The following TMEM209 variants were observed in gnomAD, a reference collection of about 807,000 sequenced individuals.
TMEM209 encodes the protein testicular tissue protein Li 202.
TMEM209 carries 65 observed loss-of-function variants against 76.2 expected under a neutral mutation model. The observed-to-expected ratio is 0.85, with a 90% CI of 0.70 to 1.05. The LOEUF is 1.05. TMEM209 is among the 50% of genes least tolerant of loss of function. TMEM209 has a pLI of 0.00. For synonymous variants in TMEM209, 239 were observed against 237.6 expected, an observed-to-expected ratio of 1.01 and a Z score of -0.06; for missense variants, 623 against 685.5, an observed-to-expected ratio of 0.91 and a Z score of 1.02.
chr7:130,183,622 A>T (rs1376683564), intron 8 of TMEM209, among the ~76,000 whole-genome samples: 2 of 152,212 alleles, frequency 1.3e-5, no homozygotes, highest in South Asian at 4.1e-4. Flanking sequence ...GGAAGTCCAT[A>T]TGCCTAACAG....
At chr7:130,176,032 T>C (rs1049152662) in intron 10 of TMEM209, among the ~76,000 whole-genome samples, 1 of 151,920 alleles carries the variant, frequency 6.6e-6, no homozygotes, top group Admixed American at 6.6e-5. Flanking sequence ...AGTGTGTGTG[T>C]ATATATATGT....
Position 130,183,469 on chromosome 7 carries a change from ATAAGAG to A in TMEM209, c.1023+709_1023+714del, listed in dbSNP as rs1797493344. On this transcript the variant is annotated intron_variant, in intron 8 of 14. Transcript: ENST00000397622. ...CCCTCTATTTTGATGCCCTATTTAA[ATAAGAG>A]TAAAAGGATAAAAAATGAGCACAAG... 2.6e-5 allele frequency among the ~76,000 whole-genome samples: 4 copies of A among 152,234 alleles called. No individual in the cohort carries two copies. The South Asian group carries it at 8.3e-4, about 32-fold the overall frequency.
At chr7:130,179,764 T>G (rs1797349670) in intron 9 of TMEM209, among the ~76,000 whole-genome samples, 2 of 152,084 alleles carry the variant, frequency 1.3e-5, no homozygotes, top group East Asian at 3.9e-4. Flanking sequence ...GTGCTTGAGC[T>G]CAGGAGTACA....
intron 14 of TMEM209, 107 bp downstream of exon 14, chr7:130,170,293 G>T: frequency 1.1e-6 from 1 of 920,660 alleles, no homozygotes; most frequent in Non-Finnish European, 1.7e-6. Flanking sequence ...ATTATCTATT[G>T]TTCAATCCAT....
intron 5 of TMEM209, among the ~76,000 whole-genome samples, chr7:130,194,636 CTTT>C (rs1797910506): frequency 6.6e-6 from 1 of 152,130 alleles, no homozygotes; most frequent in South Asian, 2.1e-4. Flanking sequence ...CTGATGGCTT[CTTT>C]AACAGATGCC....
Position 130,205,095 on chromosome 7 carries a change from G to A in TMEM209, c.3+278C>T, listed in dbSNP as rs993618569. The A allele has an allele frequency of 6.4e-6, 9 of 1,408,648 alleles. No homozygotes were observed. The Admixed American group carries it at 2.3e-4, about 36-fold the overall frequency. 87.3% of individuals were successfully genotyped at this position (1,408,648 alleles called of 1,614,324 possible). A position where few individuals can be genotyped will look rare whatever the true frequency, so the allele number is the denominator to read the frequency against. ...AACTCTTACAGACCGTGCAAAACTTGTTCCAGCGACAAGCAGTCGTATCCC... is the reference window on the plus strand; with the variant it reads ...AACTCTTACAGACCGTGCAAAACTTATTCCAGCGACAAGCAGTCGTATCCC... On this transcript the variant is annotated intron_variant, in intron 1 of 14. Transcript: ENST00000397622.
At position 130,184,083 on chromosome 7, in the gene TMEM209, C is replaced by A. The variant is rs542979521; in HGVS notation, c.1023+101G>T. Reference sequence around the variant, plus strand: ...TACCATTCATACTGTACCTTTATAACTAATATTCTAATTTATAATGAACTC... The same window carrying A: ...TACCATTCATACTGTACCTTTATAAATAATATTCTAATTTATAATGAACTC... On this transcript the variant is annotated intron_variant, in intron 8 of 14. Coordinates refer to ENST00000397622, the MANE Select transcript of TMEM209 (RefSeq NM_032842.4). 2,051 of 755,544 alleles carry A rather than the reference C, an allele frequency of 2.7e-3. 3 individuals are homozygous for A. The highest frequency in any genetic ancestry group is 3.7e-3 in the Non-Finnish European group (1,757 of 478,038). The allele number at this position is 755,544 out of a possible 1,614,324, so 46.8% of individuals were successfully genotyped here.
intron 5 of TMEM209, among the ~76,000 whole-genome samples, 200 bp downstream of exon 5, chr7:130,201,650 C>G (rs1283462207): frequency 6.6e-6 from 1 of 152,104 alleles, no homozygotes; most frequent in Non-Finnish European, 1.5e-5. Context: ...AGTTTGTTAT[C>G]TCTGTAAATG....
Position 130,192,757 on chromosome 7 carries a change from C to T in TMEM209, c.640G>A (p.Gly214Arg), listed in dbSNP as rs768822849. 9 of 1,613,890 alleles carry T rather than the reference C, an allele frequency of 5.6e-6. No individual in the cohort carries two copies. The highest frequency in any genetic ancestry group is 7.6e-6 in the Non-Finnish European group (9 of 1,179,832). The stretch of plus-strand genomic sequence containing the variant: ...GAAGAACGGTAGCGAGATCTCAATC[C>T]ACTGCTCTCCACTGGTCCAACAGTG... ...PTTVGPVESS[G>R]LRSRYRSSPT... Residue 214 changes from glycine (G) to arginine (R), a missense_variant, in exon 6 of 15, where the codon GGA becomes AGA. By Grantham distance (125) the Gly-to-Arg change is moderately radical (BLOSUM62 -2). Transcript: ENST00000397622.
chr7:130,205,319 A>G, intron 1 of TMEM209, 54 bp downstream of exon 1: 6 of 1,613,772 alleles, frequency 3.7e-6, no homozygotes, highest in African/African-American at 1.3e-5. Context: ...CGGAACTCCC[A>G]CAACCCGCGT....
chr7:130,173,786 G>A (rs887791019), intron 12 of TMEM209, 39 bp downstream of exon 12: 5 of 1,605,246 alleles, frequency 3.1e-6, no homozygotes, highest in African/African-American at 2.7e-5. Flanking sequence ...GATATTTTGT[G>A]TGAAAATCTC....
At chr7:130,201,140 A>T (rs1054826006) in intron 5 of TMEM209, among the ~76,000 whole-genome samples, 2 of 151,124 alleles carry the variant, frequency 1.3e-5, no homozygotes, top group African/African-American at 4.9e-5. Context: ...GGATAAGGGC[A>T]GACAATGTGT....
chr7:130,181,594 A>G, intron 9 of TMEM209, 29 bp downstream of exon 9: 3 of 1,580,570 alleles, frequency 1.9e-6, no homozygotes, highest in Non-Finnish European at 1.7e-6. Context: ...ACTAATAGAA[A>G]TCCAACACTG....
chr7:130,166,935 T>C lies in TMEM209; in HGVS notation c.1632-430A>G, dbSNP rs531990326. On this transcript the variant is annotated intron_variant, in intron 14 of 14. Coordinates refer to ENST00000397622, the MANE Select transcript of TMEM209 (RefSeq NM_032842.4). ...CTTTAGTGAGTTTTCATATGTGTAT[T>C]AGTAATACATTAAATCCTACTACAT... Among the ~76,000 whole-genome samples, 5 of 152,298 alleles carry C rather than the reference T, an allele frequency of 3.3e-5. No individual in the cohort carries two copies. In the South Asian group the frequency reaches 8.3e-4, roughly 25 times the overall value.
chr7:130,170,135 A>C (rs1359437390), intron 14 of TMEM209, among the ~76,000 whole-genome samples: 1 of 152,212 alleles, frequency 6.6e-6, no homozygotes, highest in Non-Finnish European at 1.5e-5. Flanking sequence ...GCAAGAGTCT[A>C]ATTTTTATCT....
intron 14 of TMEM209, among the ~76,000 whole-genome samples, chr7:130,168,401 C>T (rs111570334): frequency 0.018 from 2,675 of 152,064 alleles, 37 homozygotes; most frequent in Middle Eastern, 0.034. Context: ...ATTCCAAAAT[C>T]GGAGAAAATC....
intron 1 of TMEM209, 78 bp downstream of exon 1, chr7:130,205,293 GAC>G: frequency 6.2e-7 from 1 of 1,613,184 alleles, no homozygotes; most frequent in African/African-American, 1.3e-5. Context: ...CTGAACCCAG[GAC>G]AGATCAGCAG....
At chr7:130,182,488 C>T (rs1254211157) in intron 8 of TMEM209, among the ~76,000 whole-genome samples, 1 of 152,082 alleles carries the variant, frequency 6.6e-6, no homozygotes, top group Non-Finnish European at 1.5e-5. Flanking sequence ...GCAGGCTCAC[C>T]CAATTCCCTA....
chr7:130,192,601 T>C, intron 6 of TMEM209, 21 bp downstream of exon 6: 1 of 1,603,292 alleles, frequency 6.2e-7, no homozygotes, highest in Non-Finnish European at 8.5e-7. Context: ...GTATAGTAGA[T>C]ATACAGAAAT....
Sources: gnomAD v4.1 joint callset for allele counts (sites outside exome capture counted in the v4.1 genomes callset) on GRCh38, gnomAD v4.1.1 for gene constraint, MANE v1.5 for transcripts, NCBI Gene and HGNC (gene_info 2026-07-23, HGNC 2026-07-21) for gene names.